NEK7: variants seen among roughly 807,000 people sequenced by gnomAD.
The protein encoded by NEK7 is NIMA related kinase 7.
Under a neutral mutation model 44.6 loss-of-function variants are expected in NEK7, and 18 were observed. That is an observed-to-expected ratio of 0.40 (90% CI 0.28 to 0.60). The LOEUF is 0.60. Among genes scored for constraint, NEK7 ranks in the 20% least tolerant of loss-of-function variants. NEK7 has a pLI of 0.38. For missense variants in NEK7, 256 were observed against 366.5 expected, an observed-to-expected ratio of 0.70 and a Z score of 2.46; for synonymous variants, 130 against 121.1, an observed-to-expected ratio of 1.07 and a Z score of -0.48.
At chr1:198,280,758 T>C (rs1479617530) in intron 7 of NEK7, among the ~76,000 whole-genome samples, 1 of 148,310 alleles carries the variant, frequency 6.7e-6, no homozygotes, top group Non-Finnish European at 1.5e-5. Context: ...TTATATAATA[T>C]ATATTGTTTT....
chr1:198,216,049 A>T (rs567609375), intron 1 of NEK7, among the ~76,000 whole-genome samples: 1 of 152,256 alleles, frequency 6.6e-6, no homozygotes, highest in African/African-American at 2.4e-5. Context: ...GCTCTAGAAC[A>T]AATGAACCTG....
At chr1:198,195,401 C>A (rs1665200195) in intron 1 of NEK7, among the ~76,000 whole-genome samples, 1 of 152,192 alleles carries the variant, frequency 6.6e-6, no homozygotes, top group Non-Finnish European at 1.5e-5. Context: ...ATTATGGATG[C>A]TTATTCTAGA....
intron 1 of NEK7, chr1:198,197,967 G>A (rs898728938): frequency 2.0e-6 from 3 of 1,534,750 alleles, no homozygotes; most frequent in African/African-American, 2.7e-5. Context: ...ATGGAGGAGG[G>A]TAGGGACCCG....
intron 1 of NEK7, among the ~76,000 whole-genome samples, chr1:198,213,389 T>G (rs1333163892): frequency 2.6e-5 from 4 of 152,162 alleles, no homozygotes; most frequent in Admixed American, 2.0e-4. Context: ...GAAGCCCTTG[T>G]GCTTGTGAAG....
chr1:198,238,761 C>T (rs1666606421), intron 2 of NEK7, among the ~76,000 whole-genome samples: 1 of 152,176 alleles, frequency 6.6e-6, no homozygotes. Flanking sequence ...TGACTCCAAG[C>T]CAATTAGTTT....
intron 1 of NEK7, among the ~76,000 whole-genome samples, chr1:198,189,381 A>G (rs925956215): frequency 6.6e-6 from 1 of 152,198 alleles, no homozygotes; most frequent in Non-Finnish European, 1.5e-5. Flanking sequence ...TTTCGAGTTA[A>G]AAGAACTAAA....
chr1:198,287,493 T>C (rs1347423528), intron 7 of NEK7, among the ~76,000 whole-genome samples: 1 of 152,164 alleles, frequency 6.6e-6, no homozygotes. Context: ...AAATATTTCT[T>C]TTTTGAAGAG....
chr1:198,210,741 CTTTTTTTTTTTTTTTTT>C (rs140181207), intron 1 of NEK7, among the ~76,000 whole-genome samples: 2 of 57,542 alleles, frequency 3.5e-5, no homozygotes, highest in East Asian at 6.2e-4. Flanking sequence ...ATTTGTATTT[CTTTTTTTTTTTTTTTTT>C]TTTTTTTTTT....
At chr1:198,250,232 G>T (rs879652841) in intron 2 of NEK7, among the ~76,000 whole-genome samples, 11 of 146,024 alleles carry the variant, frequency 7.5e-5, no homozygotes, top group African/African-American at 1.3e-4. Flanking sequence ...CTGTTCCATT[G>T]GTCTATATCT....
chr1:198,304,383 G>A (rs59817299), intron 9 of NEK7, among the ~76,000 whole-genome samples: 12,546 of 152,110 alleles, frequency 0.082, 685 homozygotes, highest in East Asian at 0.17. Flanking sequence ...CATTTTGTAT[G>A]AATATCTAAA....
intron 7 of NEK7, among the ~76,000 whole-genome samples, chr1:198,290,233 T>C (rs1654511414): frequency 6.6e-6 from 1 of 152,246 alleles, no homozygotes; most frequent in Non-Finnish European, 1.5e-5. Flanking sequence ...GTAATTCGCA[T>C]GATCATTTTA....
chr1:198,314,701 G>A (rs531525616), intron 9 of NEK7, among the ~76,000 whole-genome samples: 33 of 152,294 alleles, frequency 2.2e-4, no homozygotes, highest in Admixed American at 1.6e-3. Context: ...CGTGTGAGGT[G>A]TCAGTATGCC....
intron 1 of NEK7, among the ~76,000 whole-genome samples, chr1:198,197,138 C>T (rs1457828432): frequency 2.0e-5 from 3 of 152,128 alleles, no homozygotes; most frequent in Non-Finnish European, 2.9e-5. Context: ...TAAATGGTAT[C>T]TACTTTAGTG....
At chr1:198,314,054 T>C (rs1655274685) in intron 9 of NEK7, among the ~76,000 whole-genome samples, 1 of 152,058 alleles carries the variant, frequency 6.6e-6, no homozygotes, top group African/African-American at 2.4e-5. Context: ...ATTCTCCCCG[T>C]CACTTTCAGG....
chr1:198,310,282 G>C (rs184185155), intron 9 of NEK7, among the ~76,000 whole-genome samples: 57 of 152,140 alleles, frequency 3.7e-4, no homozygotes, highest in Middle Eastern at 6.8e-3. Context: ...CCCACTTTTT[G>C]ATGGCGTTGT....
At chr1:198,197,849 T>G in intron 1 of NEK7, 1 of 886,136 alleles carries the variant, frequency 1.1e-6, no homozygotes, top group Non-Finnish European at 1.9e-6. Context: ...CATCTTTTTG[T>G]GAGCTTTCTT....
At chr1:198,256,578 C>T (rs1653273644) in intron 3 of NEK7, 2 of 1,378,142 alleles carry the variant, frequency 1.5e-6, no homozygotes, top group Non-Finnish European at 1.9e-6. Flanking sequence ...CAGTGCTTCC[C>T]TTCCTGCTGA....
chr1:198,225,345 C>G (rs1172069010), intron 1 of NEK7, among the ~76,000 whole-genome samples: 4 of 151,146 alleles, frequency 2.6e-5, no homozygotes, highest in Non-Finnish European at 5.9e-5. Flanking sequence ...GGAGAGGAAC[C>G]AGGACAATGG....
intron 1 of NEK7, chr1:198,198,117 A>G (rs1665299271): frequency 1.8e-6 from 2 of 1,130,654 alleles, no homozygotes; most frequent in South Asian, 1.4e-5. Context: ...GCAGGATTGG[A>G]ACCTCCAGGG....
Sources: allele counts gnomAD v4.1 joint callset (sites outside exome capture counted in the v4.1 genomes callset), GRCh38; gene constraint gnomAD v4.1.1; transcripts MANE v1.5; gene names NCBI Gene and HGNC (gene_info 2026-07-23, HGNC 2026-07-21).